The following RGS6 variants were observed in gnomAD, a reference collection of about 807,000 sequenced individuals.
The protein encoded by RGS6 is regulator of G protein signaling 6, also known as regulator of G-protein signaling 6.
In RGS6, 30 loss-of-function variants were observed where a neutral mutation model predicts 78.5. That is an observed-to-expected ratio of 0.38 (90% CI 0.29 to 0.52). RGS6 has a LOEUF of 0.52. Among genes scored for constraint, RGS6 ranks in the 20% least tolerant of loss-of-function variants. The pLI is 0.85. For synonymous variants in RGS6, 206 were observed against 206.0 expected (o/e 1.00, Z 0.00); for missense variants, 495 against 609.7 (o/e 0.81, Z 1.98).
the RGS6 span, among the ~76,000 whole-genome samples, chr14:72,595,714 G>C: frequency 1.1e-4 from 17 of 152,176 alleles, no homozygotes; most frequent in Non-Finnish European, 8.8e-5. Context: ...TTATTTAATT[G>C]ATGGCCTCTG....
At chr14:72,030,190 T>A (rs941979941) in intron 2 of RGS6, among the ~76,000 whole-genome samples, 2 of 152,176 alleles carry the variant, frequency 1.3e-5, no homozygotes, top group African/African-American at 2.4e-5. Flanking sequence ...GTTAAAGATG[T>A]GCCAAACAAT....
At position 72,088,022 on chromosome 14, in the gene RGS6, A is replaced by G. The variant is rs182291953; in HGVS notation, c.84+123147A>G. 1.2e-4 allele frequency among the ~76,000 whole-genome samples: 18 copies of G among 152,282 alleles called. 1 individual carries two copies. The East Asian group carries it at 2.9e-3, about 25-fold the overall frequency. ...CAGATGAGAATGGGAGAGCCATCAG[A>G]TAGAGACCACTGTGGAGGAGTTTGC... On this transcript the variant is annotated intron_variant, in intron 2 of 17. Coordinates refer to ENST00000553525, the MANE Select transcript of RGS6 (RefSeq NM_001204424.2).
chr14:71,978,372 C>T (rs973799725), intron 2 of RGS6, among the ~76,000 whole-genome samples: 2 of 107,712 alleles, frequency 1.9e-5, no homozygotes, highest in African/African-American at 6.9e-5. Flanking sequence ...CAGTTTTTGC[C>T]CATTCAGTAT....
chr14:72,206,061 A>G (rs116248266), intron 2 of RGS6, among the ~76,000 whole-genome samples: 1,671 of 152,260 alleles, frequency 0.011, 25 homozygotes, highest in African/African-American at 0.038. Flanking sequence ...GCTTTATTGC[A>G]GTACTGTTCA....
intron 3 of RGS6, among the ~76,000 whole-genome samples, chr14:72,361,142 T>TGAGAA (rs1230331758): frequency 1.3e-4 from 19 of 150,728 alleles, no homozygotes; most frequent in Middle Eastern, 6.9e-3. Flanking sequence ...TATAGCAGTG[T>TGAGAA]GAGAATGTAC....
rs560516401 is a variant in RGS6 at position 72,291,687 on chromosome 14, G to T, written c.85-60408G>T. ...GATAGAGCAGAGTAGCATTTCTAAA[G>T]ATGGAAAGGACAAGCCTGGCTAAAA... On this transcript the variant is annotated intron_variant, in intron 2 of 17. Coordinates refer to ENST00000553525, the MANE Select transcript of RGS6 (RefSeq NM_001204424.2). 2.0e-5 allele frequency among the ~76,000 whole-genome samples: 3 copies of T among 152,296 alleles called. No homozygotes were observed. The South Asian group carries it at 6.2e-4, about 32-fold the overall frequency.
chr14:72,532,921 G>A (rs1392997141), intron 15 of RGS6, among the ~76,000 whole-genome samples: 1 of 152,252 alleles, frequency 6.6e-6, no homozygotes, highest in African/African-American at 2.4e-5. Flanking sequence ...AGCAAGTGCT[G>A]ATATAGAAGC....
chr14:72,200,961 T>TAAAA (rs10577203), intron 2 of RGS6, among the ~76,000 whole-genome samples: 3 of 121,630 alleles, frequency 2.5e-5, no homozygotes, highest in African/African-American at 6.7e-5. Context: ...GTGCTCTGCT[T>TAAAA]AAAAAAAAAA....
chr14:72,242,852 T>C (rs1247124580), intron 2 of RGS6, among the ~76,000 whole-genome samples: 1 of 135,146 alleles, frequency 7.4e-6, no homozygotes, highest in Non-Finnish European at 1.6e-5. Flanking sequence ...TTTTTTTTTT[T>C]TTTTTTTTTT....
intron 2 of RGS6, among the ~76,000 whole-genome samples, chr14:72,233,647 G>A (rs2050239684): frequency 6.6e-6 from 1 of 152,206 alleles, no homozygotes; most frequent in Admixed American, 6.5e-5. Flanking sequence ...TTTTTAGTGT[G>A]TGTTTGGCAG....
intron 2 of RGS6, among the ~76,000 whole-genome samples, chr14:72,254,816 G>A (rs1446464608): frequency 1.3e-5 from 2 of 152,156 alleles, no homozygotes; most frequent in African/African-American, 2.4e-5. Context: ...CTGTGCCTCA[G>A]GGGCTCAGGC....
rs144464327 is a variant in RGS6, at chr14:72,059,191, C to T, written c.84+94316C>T. On this transcript the variant is annotated intron_variant, in intron 2 of 17. Transcript: ENST00000553525. ...CTGGGATTACAGGCGTGAGCCACCGCGCCTTCCTGCTGTGCTTATTTTCAA... is the reference window on the plus strand; with the variant it reads ...CTGGGATTACAGGCGTGAGCCACCGTGCCTTCCTGCTGTGCTTATTTTCAA... Among the ~76,000 whole-genome samples, 26 of 152,320 alleles carry T rather than the reference C, an allele frequency of 1.7e-4. No individual in the cohort carries two copies. In the East Asian group the frequency reaches 3.7e-3, roughly 21 times the overall value.
intron 2 of RGS6, among the ~76,000 whole-genome samples, chr14:72,195,939 A>G (rs563270308): frequency 5.3e-5 from 8 of 152,320 alleles, no homozygotes; most frequent in South Asian, 4.1e-4. Context: ...TTTATAGGCA[A>G]TGGGGATTTA....
intron 2 of RGS6, among the ~76,000 whole-genome samples, chr14:72,053,133 C>G (rs1248378979): frequency 8.3e-6 from 1 of 119,776 alleles, no homozygotes; most frequent in African/African-American, 3.2e-5. Flanking sequence ...TCCTTCCTTT[C>G]TTTTTTTGAT....
rs115609796 is a variant in RGS6, at chr14:72,144,198, T to A, written c.84+179323T>A. On this transcript the variant is annotated intron_variant, in intron 2 of 17. Coordinates refer to ENST00000553525, the MANE Select transcript of RGS6 (RefSeq NM_001204424.2). ...AATTAAAGGAAAATTACAACTGTAA[T>A]AAATTGGCCTGAATTGCATGGATTC... is the stretch of plus-strand genomic sequence containing the variant. 4.6e-3 allele frequency among the ~76,000 whole-genome samples: 698 copies of A among 152,314 alleles called. 3 individuals carry two copies. Among genetic ancestry groups the A allele is most frequent in the African/African-American group, 0.015 (616 of 41,566 alleles).
chr14:71,931,922 A>T (rs776703619), upstream of RGS6, among the ~76,000 whole-genome samples: 1 of 152,194 alleles, frequency 6.6e-6, no homozygotes, highest in African/African-American at 2.4e-5. Context: ...TTGAATACAT[A>T]AAAATGACGA....
chr14:72,310,084 T>G (rs1237089169), intron 2 of RGS6, among the ~76,000 whole-genome samples: 1 of 152,208 alleles, frequency 6.6e-6, no homozygotes, highest in Non-Finnish European at 1.5e-5. Context: ...CTTCTCGGCA[T>G]GTTGGTCATT....
chr14:72,351,249 C>A (rs988380071), intron 2 of RGS6, among the ~76,000 whole-genome samples: 5 of 152,136 alleles, frequency 3.3e-5, no homozygotes, highest in Non-Finnish European at 7.4e-5. Flanking sequence ...AAAGATGTAT[C>A]CTTATTACAG....
intron 2 of RGS6, among the ~76,000 whole-genome samples, chr14:72,047,124 A>G (rs1235548974): frequency 1.3e-5 from 2 of 152,184 alleles, no homozygotes; most frequent in Non-Finnish European, 2.9e-5. Flanking sequence ...GTGACACGAC[A>G]TAATGCACAC....
Sources: allele counts gnomAD v4.1 joint callset (sites outside exome capture counted in the v4.1 genomes callset), GRCh38; gene constraint gnomAD v4.1.1; transcripts MANE v1.5; gene names NCBI Gene and HGNC (gene_info 2026-07-23, HGNC 2026-07-21).